SVEP1: variants seen among roughly 807,000 people sequenced by gnomAD.
The protein encoded by SVEP1 is sushi, von Willebrand factor type A, EGF and pentraxin domain containing 1.
In SVEP1, 164 loss-of-function variants were observed where a neutral mutation model predicts 367.3. That is an observed-to-expected ratio of 0.45 (90% CI 0.39 to 0.51). SVEP1 has a LOEUF of 0.51. Ranked by LOEUF, SVEP1 falls within the 20% of genes least tolerant of loss-of-function variation. The pLI, the probability that SVEP1 is intolerant of heterozygous loss-of-function variation, is 0.00. For missense variants in SVEP1, 4,117 were observed against 4,425.3 expected, an observed-to-expected ratio of 0.93 and a Z score of 1.98; for synonymous variants, 1,666 against 1,611.6, an observed-to-expected ratio of 1.03 and a Z score of -0.81.
At chr9:110,395,187 G>T (rs902364789) in intron 40 of SVEP1, among the ~76,000 whole-genome samples, 30 of 152,242 alleles carry the variant, frequency 2.0e-4, no homozygotes, top group African/African-American at 6.7e-4. Context: ...AAGAGAGTGG[G>T]GGCCAATATT....
chr9:110,547,522 G>A (rs142553944), intron 2 of SVEP1, among the ~76,000 whole-genome samples: 1 of 152,136 alleles, frequency 6.6e-6, no homozygotes, highest in Non-Finnish European at 1.5e-5. Context: ...CTGCAGCGAG[G>A]TGTGATCACA....
intron 3 of SVEP1, among the ~76,000 whole-genome samples, chr9:110,542,971 A>AT (rs1211809946): frequency 6.1e-5 from 9 of 147,578 alleles, no homozygotes; most frequent in African/African-American, 1.5e-4. Context: ...TAATTAAAAA[A>AT]AAATATATAT....
chr9:110,510,649 G>A lies in SVEP1; in HGVS notation c.1303+2277C>T, dbSNP rs1342837814. Among the ~76,000 whole-genome samples the A allele has an allele frequency of 2.0e-5, 3 of 152,144 alleles. No individual in the cohort carries two copies. The South Asian group carries it at 6.2e-4, about 32-fold the overall frequency. On this transcript the variant is annotated intron_variant, in intron 5 of 47. Transcript: ENST00000374469. ...TCAGACGCGAGGCTTGATTATGGAG[G>A]GTGCAGGCTTGAGAGGCAGGGGCCA...
chr9:110,574,739 CCTT>C (rs200204021), intron 1 of SVEP1, among the ~76,000 whole-genome samples: 13,873 of 137,400 alleles, frequency 0.1, 796 homozygotes, highest in East Asian at 0.12. Context: ...GTCCAGTCGA[CCTT>C]CTTTTTTTTT....
At position 110,406,401 on chromosome 9, in the gene SVEP1, G is replaced by A. The variant is rs944991938; in HGVS notation, c.9199C>T (p.Leu3067Phe). Residue 3067 changes from leucine to phenylalanine, a missense_variant, in exon 38 of 48, where the codon CTT becomes TTT. Coordinates refer to ENST00000374469, the MANE Select transcript of SVEP1 (RefSeq NM_153366.4). ...PHCEHTSCGS[L>F]PMIPNAFISE... ...ATGAACGCATTTGGTATCATTGGAA[G>A]AGAACCACAAGAAGTGTGTTCACAG... 6.2e-7 allele frequency: 1 copy of A among 1,614,054 alleles called. No individual in the cohort carries two copies. The highest frequency in any genetic ancestry group is 8.5e-7 in the Non-Finnish European group (1 of 1,179,902).
chr9:110,546,439 G>A (rs922705662), intron 2 of SVEP1, 148 bp from the exon 3 acceptor site: 7 of 918,146 alleles, frequency 7.6e-6, no homozygotes, highest in Middle Eastern at 3.1e-4. Flanking sequence ...ACCCAAATAC[G>A]AATGTGTGTT....
chr9:110,512,880 T>A (rs755735045), intron 5 of SVEP1, 46 bp downstream of exon 5: 1 of 1,606,944 alleles, frequency 6.2e-7, no homozygotes, highest in Admixed American at 1.7e-5. Flanking sequence ...ATCAAGGAAA[T>A]CAGGCAAGAC....
chr9:110,424,544 A>G lies in SVEP1; in HGVS notation c.5975+3047T>C, dbSNP rs112783395. Among the ~76,000 whole-genome samples, 1,193 of 152,352 alleles carry G rather than the reference A, an allele frequency of 7.8e-3. 15 individuals carry two copies. The highest frequency in any genetic ancestry group is 0.027 in the African/African-American group (1,120 of 41,590). On this transcript the variant is annotated intron_variant, in intron 36 of 47. Coordinates refer to ENST00000374469, the MANE Select transcript of SVEP1 (RefSeq NM_153366.4). ...AGTGATGAGAATGGCTTCTAATTAT[A>G]TCTGTAATATTGTGTTTCTTTTATA...
intron 1 of SVEP1, among the ~76,000 whole-genome samples, chr9:110,571,645 T>G (rs1301089514): frequency 1.3e-5 from 2 of 152,196 alleles, no homozygotes; most frequent in African/African-American, 2.4e-5. Context: ...ACCTCAGATT[T>G]TCTATTAGAT....
Position 110,404,473 on chromosome 9 carries a change from T to C in SVEP1, c.9520A>G (p.Ile3174Val). 8.1e-6 allele frequency: 13 copies of C among 1,614,008 alleles called. No homozygotes were observed. Among genetic ancestry groups the C allele is most frequent in the Non-Finnish European group, 1.1e-5 (13 of 1,179,892 alleles). The change falls in exon 39 of 48, where the codon ATC becomes GTC. Residue 3174 changes from isoleucine (I) to valine (V), a missense_variant. Transcript: ENST00000374469. ...GGACATTTTTTAGGACTGCAGGAGA[T>C]TCTCTCAGGGAACCAGCGACCATCT... is the stretch of plus-strand genomic sequence containing the variant. ...QKDGRWFPER[I>V]SCSPKKCPLP... is the part of the protein sequence containing the mutation.
At chr9:110,530,519 T>C (rs1039149639) in intron 3 of SVEP1, among the ~76,000 whole-genome samples, 1 of 152,070 alleles carries the variant, frequency 6.6e-6, no homozygotes, top group Non-Finnish European at 1.5e-5. Context: ...TTCTTATTCA[T>C]ACATCAGTTT....
chr9:110,498,797 CT>C (rs1225108775), intron 7 of SVEP1, among the ~76,000 whole-genome samples: 4 of 152,130 alleles, frequency 2.6e-5, no homozygotes, highest in Non-Finnish European at 5.9e-5. Context: ...GAAAACTTAC[CT>C]GATTTTCAGC....
intron 18 of SVEP1, among the ~76,000 whole-genome samples, chr9:110,462,619 GA>G (rs1554716828): frequency 6.6e-6 from 1 of 151,220 alleles, no homozygotes; most frequent in Non-Finnish European, 1.5e-5. Context: ...CATGAGAAAA[GA>G]GGGGTGAATG....
Position 110,396,684 on chromosome 9 carries a change from A to T in SVEP1, c.9822+4170T>A, listed in dbSNP as rs1437637672. On this transcript the variant is annotated intron_variant, in intron 40 of 47. Transcript: ENST00000374469. ...GGATATCACCACTGATCCCACAGAAATACAAACTACCATCAGAATACTATA... is the reference window on the plus strand; with the variant it reads ...GGATATCACCACTGATCCCACAGAATTACAAACTACCATCAGAATACTATA... 9.2e-5 allele frequency among the ~76,000 whole-genome samples: 7 copies of T among 76,320 alleles called. No individual in the cohort carries two copies. The South Asian group carries it at 1.6e-3, about 17-fold the overall frequency. 50.1% of individuals were successfully genotyped at this position (76,320 alleles called of 152,430 possible). A position where few individuals can be genotyped will look rare whatever the true frequency, so the allele number is the denominator to read the frequency against.
intron 41 of SVEP1, among the ~76,000 whole-genome samples, chr9:110,389,228 A>ACCC (rs3215846): frequency 6.6e-6 from 1 of 151,344 alleles, no homozygotes; most frequent in Admixed American, 6.6e-5. Flanking sequence ...ATTTGAGAAA[A>ACCC]CCCCCCCAAA....
In SVEP1 at chr9:110,479,187, G is replaced by A. The variant is rs1829146697; in HGVS notation, c.2487+448C>T. Among the ~76,000 whole-genome samples the A allele has an allele frequency of 2.0e-5, 3 of 151,898 alleles. No individual in the cohort carries two copies. The South Asian group carries it at 6.3e-4, about 32-fold the overall frequency. On this transcript the variant is annotated intron_variant, in intron 13 of 47. Coordinates refer to ENST00000374469, the MANE Select transcript of SVEP1 (RefSeq NM_153366.4). Reference sequence around the variant, plus strand: ...CTCTCCTTGGCCTCCCAAAGTGCTGGGATTACAGGCGTGAGCCACCGCGCC... The same window carrying A: ...CTCTCCTTGGCCTCCCAAAGTGCTGAGATTACAGGCGTGAGCCACCGCGCC...
At chr9:110,469,473 G>A (rs1007313844) in intron 16 of SVEP1, among the ~76,000 whole-genome samples, 5 of 152,192 alleles carry the variant, frequency 3.3e-5, no homozygotes, top group African/African-American at 7.2e-5. Flanking sequence ...TTCCTTTGAG[G>A]ATTTCAGATA....
intron 40 of SVEP1, among the ~76,000 whole-genome samples, chr9:110,395,102 G>C (rs550413434): frequency 5.3e-5 from 8 of 152,342 alleles, no homozygotes; most frequent in Non-Finnish European, 8.8e-5. Context: ...CAGCCAGAGA[G>C]AAAGGTCAGG....
At chr9:110,549,052 C>G (rs1443643870) in intron 2 of SVEP1, among the ~76,000 whole-genome samples, 1 of 152,060 alleles carries the variant, frequency 6.6e-6, no homozygotes, top group Non-Finnish European at 1.5e-5. Flanking sequence ...CCATGGTTTT[C>G]CCCTCAAACT....
Sources: allele counts gnomAD v4.1 joint callset (sites outside exome capture counted in the v4.1 genomes callset), GRCh38; gene constraint gnomAD v4.1.1; transcripts MANE v1.5; gene names NCBI Gene and HGNC (gene_info 2026-07-23, HGNC 2026-07-21).